The following GPR160 variants were observed in gnomAD, a reference collection of about 807,000 sequenced individuals.
GPR160 encodes probable G protein-coupled receptor 160.
Under a neutral mutation model 2.6 loss-of-function variants are expected in GPR160, and 2 were observed. That is an observed-to-expected ratio of 0.77 (90% confidence interval 0.32 to 2.44). The LOEUF is 2.44. Among genes scored for constraint, GPR160 ranks in the 30% most tolerant of loss-of-function variants. The pLI, the probability that GPR160 is intolerant of heterozygous loss-of-function variation, is 0.11. For synonymous variants in GPR160, 130 were observed against 132.2 expected (o/e 0.98, Z 0.12); for missense variants, 351 against 383.6 (o/e 0.91, Z 0.71).
intron 2 of GPR160, among the ~76,000 whole-genome samples, chr3:170,069,899 G>A (rs999594762): frequency 2.0e-5 from 3 of 152,006 alleles, no homozygotes; most frequent in African/African-American, 7.2e-5. Context: ...GTGTCCCAGG[G>A]GCGGTTTCTC....
chr3:170,076,678 G>A (rs1712866774), intron 2 of GPR160, among the ~76,000 whole-genome samples: 1 of 151,978 alleles, frequency 6.6e-6, no homozygotes, highest in Non-Finnish European at 1.5e-5. Flanking sequence ...TGAGTAGCTG[G>A]GATTACAGGC....
chr3:170,056,157 C>A (rs1222892390), intron 2 of GPR160, among the ~76,000 whole-genome samples: 1 of 152,132 alleles, frequency 6.6e-6, no homozygotes, highest in Non-Finnish European at 1.5e-5. Context: ...TAATTCTGAA[C>A]CTTATACTTG....
chr3:170,051,711 C>T (rs1443097717), intron 2 of GPR160, among the ~76,000 whole-genome samples: 5 of 151,812 alleles, frequency 3.3e-5, no homozygotes, highest in African/African-American at 4.8e-5. Flanking sequence ...GGAGAGAGAA[C>T]GAAACTCTGT....
chr3:170,084,687 AT>A lies in GPR160; in HGVS notation c.716del (p.Ile239AsnfsTer22), dbSNP rs769892382. On this transcript the variant is annotated frameshift_variant, in exon 4 of 4. Coordinates refer to ENST00000355897, the MANE Select transcript of GPR160 (RefSeq NM_014373.3). LOFTEE classifies it high-confidence loss of function. ...CAGTTATACTGTGAGATCTAAAAAA[AT>A]ATTCTTATCCAAGCTCATTGTCTGT... ...HSSYTVRSKK[I>X]FLSKLIVCFL... 3.1e-6 allele frequency: 5 copies of A among 1,612,310 alleles called. No individual in the cohort carries two copies. Among genetic ancestry groups the A allele is most frequent in the South Asian group, 2.2e-5 (2 of 91,038 alleles).
At position 170,084,909 on chromosome 3, in the gene GPR160, A is replaced by C; in HGVS notation, c.937A>C (p.Asn313His). 1 of 1,607,944 alleles carries C rather than the reference A, an allele frequency of 6.2e-7. No individual in the cohort carries two copies. The change falls in exon 4 of 4, where the codon AAC becomes CAC. Residue 313 changes from asparagine to histidine, a missense_variant. Transcript: ENST00000355897. ...TGGATTACCTTTGGATCCATTTGTC[A>C]ACTGGAAGTGCTGCTTCATTCCACT... The part of the protein sequence containing the change: ...DIGLPLDPFV[N>H]WKCCFIPLTI...
intron 2 of GPR160, among the ~76,000 whole-genome samples, chr3:170,074,746 G>C (rs1712771483): frequency 6.6e-6 from 1 of 151,888 alleles, no homozygotes; most frequent in Non-Finnish European, 1.5e-5. Context: ...GCCTCTCAAA[G>C]TGCTGGGATT....
chr3:170,044,483 G>A (rs1305905044), intron 2 of GPR160, among the ~76,000 whole-genome samples: 1 of 152,068 alleles, frequency 6.6e-6, no homozygotes, highest in East Asian at 1.9e-4. Context: ...TAAGGAACTT[G>A]TTCGCTACCC....
intron 2 of GPR160, among the ~76,000 whole-genome samples, 171 bp from the exon 3 acceptor site, chr3:170,079,603 T>C (rs1559993239): frequency 2.0e-5 from 3 of 152,206 alleles, no homozygotes; most frequent in South Asian, 4.1e-4. Context: ...AAGTATCCCC[T>C]TTCTTCCTTT....
chr3:170,064,518 T>TTC (rs1553768396), intron 2 of GPR160, among the ~76,000 whole-genome samples: 1 of 124,332 alleles, frequency 8.0e-6, no homozygotes, highest in East Asian at 2.2e-4. Flanking sequence ...TCTTTTCTTT[T>TTC]TTTTTTTTTT....
At chr3:170,044,496 T>C (rs1233075025) in intron 2 of GPR160, among the ~76,000 whole-genome samples, 1 of 152,076 alleles carries the variant, frequency 6.6e-6, no homozygotes, top group Non-Finnish European at 1.5e-5. Context: ...CGCTACCCCC[T>C]GCAGTTTGAC....
chr3:170,080,602 AGGTCCTCCTCCT>A (rs1713075457), intron 3 of GPR160, among the ~76,000 whole-genome samples: 2 of 152,226 alleles, frequency 1.3e-5, no homozygotes, highest in South Asian at 4.2e-4. Flanking sequence ...GTCCTCCTCC[AGGTCCTCCTCCT>A]CCCTACTTTT....
intron 2 of GPR160, among the ~76,000 whole-genome samples, chr3:170,069,946 C>T (rs955833904): frequency 8.6e-5 from 13 of 152,044 alleles, no homozygotes; most frequent in African/African-American, 2.9e-4. Flanking sequence ...GCTGTCTTCT[C>T]GCTGTGCCCT....
chr3:170,082,587 G>A (rs1051764900), intron 3 of GPR160, among the ~76,000 whole-genome samples: 13 of 151,352 alleles, frequency 8.6e-5, no homozygotes, highest in Non-Finnish European at 1.3e-4. Context: ...CCTGTGTTTC[G>A]TTTCTTTCTT....
intron 2 of GPR160, among the ~76,000 whole-genome samples, chr3:170,079,384 G>A (rs1188885828): frequency 2.0e-5 from 3 of 151,982 alleles, no homozygotes; most frequent in African/African-American, 7.3e-5. Context: ...ATTATTGTTT[G>A]GTAAAATATA....
intron 3 of GPR160, among the ~76,000 whole-genome samples, chr3:170,081,829 G>A (rs980582155): frequency 6.6e-6 from 1 of 152,130 alleles, no homozygotes; most frequent in Non-Finnish European, 1.5e-5. Context: ...TGCGGTATTT[G>A]GTTTTCTGTT....
intron 2 of GPR160, among the ~76,000 whole-genome samples, chr3:170,070,884 A>C (rs1712555949): frequency 6.6e-6 from 1 of 152,186 alleles, no homozygotes; most frequent in Non-Finnish European, 1.5e-5. Context: ...TGTGAGATGA[A>C]TATTCTTTAA....
intron 2 of GPR160, chr3:170,062,451 C>A: frequency 1.9e-6 from 1 of 534,862 alleles, no homozygotes; most frequent in Non-Finnish European, 3.5e-6. Context: ...AGGAGAACTC[C>A]GTTACACGTC....
At chr3:170,044,041 G>A (rs562292541) in intron 2 of GPR160, among the ~76,000 whole-genome samples, 1 of 151,614 alleles carries the variant, frequency 6.6e-6, no homozygotes, top group Admixed American at 6.6e-5. Context: ...CAAAATATAG[G>A]TTGAGAGGCT....
chr3:170,054,520 A>G (rs750216772), intron 2 of GPR160, among the ~76,000 whole-genome samples: 28 of 152,176 alleles, frequency 1.8e-4, no homozygotes, highest in Non-Finnish European at 3.7e-4. Context: ...CAATGGCACT[A>G]AGTACATTCA....
Sources: allele counts gnomAD v4.1 joint callset (sites outside exome capture counted in the v4.1 genomes callset), GRCh38; gene constraint gnomAD v4.1.1; transcripts MANE v1.5; gene names NCBI Gene and HGNC (gene_info 2026-07-23, HGNC 2026-07-21).